RAB38: variants seen among roughly 807,000 people sequenced by gnomAD.
RAB38 encodes the protein RAB38, member RAS oncogene family.
Under a neutral mutation model 18.4 loss-of-function variants are expected in RAB38, and 15 were observed. The ratio of observed to expected loss-of-function variants is 0.82; its 90% confidence interval spans 0.55 to 1.26. The LOEUF (loss-of-function observed/expected upper bound fraction) is 1.26, where lower values mean the gene tolerates loss of function less well. Among genes scored for constraint, RAB38 ranks in the 50% most tolerant of loss-of-function variants. RAB38 has a pLI of 0.00. For synonymous variants in RAB38, 101 were observed against 104.4 expected, an observed-to-expected ratio of 0.97 and a Z score of 0.20; for missense variants, 294 against 267.4, an observed-to-expected ratio of 1.10 and a Z score of -0.69.
the RAB38 span, among the ~76,000 whole-genome samples, chr11:88,094,373 ATCT>A: frequency 6.6e-6 from 1 of 152,014 alleles, no homozygotes; most frequent in Non-Finnish European, 1.5e-5. Flanking sequence ...CATAAGCCTC[ATCT>A]TCTTTAATGA....
chr11:88,136,098 C>G (rs1278464947), intron 2 of RAB38, among the ~76,000 whole-genome samples: 2 of 152,106 alleles, frequency 1.3e-5, no homozygotes, highest in East Asian at 1.9e-4. Flanking sequence ...CTACATTATC[C>G]CTAGGGCTAT....
the RAB38 span, among the ~76,000 whole-genome samples, chr11:88,023,179 T>C: frequency 2.0e-5 from 3 of 152,252 alleles, no homozygotes; most frequent in African/African-American, 4.8e-5. Context: ...AGAAAAATGT[T>C]AGTTAATATT....
At chr11:87,817,735 T>G in the RAB38 span, among the ~76,000 whole-genome samples, 17 of 152,326 alleles carry the variant, frequency 1.1e-4, no homozygotes, top group African/African-American at 4.1e-4. Context: ...ATATTCTGTC[T>G]GCATCAACTC....
At chr11:88,025,537 T>A in the RAB38 span, among the ~76,000 whole-genome samples, 9 of 152,298 alleles carry the variant, frequency 5.9e-5, no homozygotes, top group East Asian at 7.7e-4. Context: ...CCTTGCCAAA[T>A]CTGTTGTTTT....
chr11:88,004,131 A>T, the RAB38 span, among the ~76,000 whole-genome samples: 1 of 147,786 alleles, frequency 6.8e-6, no homozygotes, highest in African/African-American at 2.5e-5. Context: ...CAGTTATTAA[A>T]ATACTGATAA....
chr11:87,877,106 T>C, the RAB38 span, among the ~76,000 whole-genome samples: 69 of 151,642 alleles, frequency 4.6e-4, no homozygotes, highest in African/African-American at 1.6e-3. Flanking sequence ...CATCTTTTTA[T>C]ACCTAAAGAA....
the RAB38 span, among the ~76,000 whole-genome samples, chr11:88,027,295 C>T: frequency 4.6e-5 from 7 of 152,192 alleles, no homozygotes; most frequent in South Asian, 8.3e-4. Context: ...GTGTGAGCGA[C>T]GCAGAAGACG....
the RAB38 span, among the ~76,000 whole-genome samples, chr11:87,827,231 G>C: frequency 6.6e-6 from 1 of 152,034 alleles, no homozygotes; most frequent in Non-Finnish European, 1.5e-5. Context: ...GAGTAGAATG[G>C]AAAACTTATG....
At position 88,175,045 on chromosome 11, in the gene RAB38, T is replaced by C. The variant is rs1943366077; in HGVS notation, c.202+138A>G. The C allele has an allele frequency of 8.2e-6, 9 of 1,099,688 alleles. 1 individual carries two copies. In the South Asian group the frequency reaches 1.5e-4, roughly 18 times the overall value. The allele number at this position is 1,099,688 out of a possible 1,614,324, so 68.1% of individuals were successfully genotyped here. A position where few individuals can be genotyped will look rare whatever the true frequency, so the allele number is the denominator to read the frequency against. The stretch of plus-strand genomic sequence containing the variant: ...CAGACGTTTTTCTTTTCTTTGAAAC[T>C]AAGTTTCCAGCCCACCAGGAAAAAC... On this transcript the variant is annotated intron_variant, in intron 1 of 2. Coordinates refer to ENST00000243662, the MANE Select transcript of RAB38 (RefSeq NM_022337.3).
intron 2 of RAB38, among the ~76,000 whole-genome samples, chr11:88,122,193 C>T (rs923376697): frequency 3.3e-5 from 5 of 152,060 alleles, no homozygotes; most frequent in Non-Finnish European, 7.4e-5. Flanking sequence ...TTACTATTCC[C>T]GAGATACATT....
At chr11:87,909,122 C>G in the RAB38 span, among the ~76,000 whole-genome samples, 1 of 151,934 alleles carries the variant, frequency 6.6e-6, no homozygotes, top group Admixed American at 6.6e-5. Flanking sequence ...TTTATAGTAT[C>G]TCAAATTCCT....
the RAB38 span, among the ~76,000 whole-genome samples, chr11:88,053,402 AAT>A: frequency 8.7e-4 from 27 of 30,946 alleles, 5 homozygotes; most frequent in African/African-American, 1.6e-3. Flanking sequence ...ATATATATGG[AAT>A]ATATATATAT....
At chr11:87,897,554 A>G in the RAB38 span, among the ~76,000 whole-genome samples, 1 of 151,646 alleles carries the variant, frequency 6.6e-6, no homozygotes, top group Admixed American at 6.6e-5. Flanking sequence ...AATAAAACTG[A>G]AAAGCAGCAG....
chr11:88,155,178 G>C (rs1326947118), intron 1 of RAB38, among the ~76,000 whole-genome samples: 1 of 152,234 alleles, frequency 6.6e-6, no homozygotes, highest in East Asian at 1.9e-4. Context: ...GGCACCTGTA[G>C]ATGAACCTAC....
chr11:88,158,382 C>T (rs1474611212), intron 1 of RAB38, among the ~76,000 whole-genome samples: 1 of 152,006 alleles, frequency 6.6e-6, no homozygotes, highest in Non-Finnish European at 1.5e-5. Flanking sequence ...CCTACTAAAA[C>T]TATTTCAAAA....
chr11:88,028,321 C>T, the RAB38 span, among the ~76,000 whole-genome samples: 1 of 152,154 alleles, frequency 6.6e-6, no homozygotes, highest in Non-Finnish European at 1.5e-5. Flanking sequence ...AAGCAGAGCG[C>T]CTCTCCTCCT....
At chr11:87,921,626 G>A in the RAB38 span, among the ~76,000 whole-genome samples, 2 of 149,930 alleles carry the variant, frequency 1.3e-5, no homozygotes, top group African/African-American at 4.9e-5. Flanking sequence ...TGTACTTCAG[G>A]TACCTTTTGA....
At chr11:87,860,260 T>A in the RAB38 span, among the ~76,000 whole-genome samples, 1 of 152,032 alleles carries the variant, frequency 6.6e-6, no homozygotes, top group Non-Finnish European at 1.5e-5. Context: ...ATGACTTTAG[T>A]TTAACCCAGT....
the RAB38 span, among the ~76,000 whole-genome samples, chr11:87,953,358 C>CT: frequency 6.6e-6 from 1 of 152,112 alleles, no homozygotes; most frequent in Admixed American, 6.6e-5. Flanking sequence ...TTCTTTCCAG[C>CT]TTTTTAGTCA....
Sources: allele counts gnomAD v4.1 joint callset (sites outside exome capture counted in the v4.1 genomes callset), GRCh38; gene constraint gnomAD v4.1.1; transcripts MANE v1.5; gene names NCBI Gene and HGNC (gene_info 2026-07-23, HGNC 2026-07-21).